The following HEATR5B variants were observed in gnomAD, a reference collection of about 807,000 sequenced individuals.
HEATR5B encodes the protein HEAT repeat-containing protein 5B.
HEATR5B carries 156 observed loss-of-function variants against 224.1 expected under a neutral mutation model. The observed-to-expected ratio is 0.70, with a 90% confidence interval of 0.61 to 0.80. The LOEUF is 0.80. Among genes scored for constraint, HEATR5B ranks in the 30% least tolerant of loss-of-function variants. The pLI is 0.00. For missense variants in HEATR5B, 2,323 were observed against 2,535.5 expected (o/e 0.92, Z 1.80); for synonymous variants, 1,027 against 893.0 (o/e 1.15, Z -2.68).
At chr2:37,022,286 C>G (rs1203463775) in intron 24 of HEATR5B, among the ~76,000 whole-genome samples, 1 of 151,964 alleles carries the variant, frequency 6.6e-6, no homozygotes, top group Non-Finnish European at 1.5e-5. Context: ...TCAAGCGATT[C>G]TCCTGCCTCA....
intron 18 of HEATR5B, 53 bp from the exon 19 acceptor site, chr2:37,041,345 C>T: frequency 6.5e-7 from 1 of 1,538,098 alleles, no homozygotes; most frequent in Non-Finnish European, 9.0e-7. Flanking sequence ...CCTATAAAAA[C>T]AACAACATTA....
chr2:37,035,340 C>G (rs1414798228), intron 21 of HEATR5B, among the ~76,000 whole-genome samples: 4 of 152,166 alleles, frequency 2.6e-5, no homozygotes, highest in Admixed American at 6.5e-5. Flanking sequence ...CCACCCTGAA[C>G]TGTAGTGGTA....
chr2:37,000,123 C>G (rs1170022827), intron 33 of HEATR5B, among the ~76,000 whole-genome samples: 3 of 151,702 alleles, frequency 2.0e-5, no homozygotes, highest in Non-Finnish European at 2.9e-5. Flanking sequence ...TTTTGCCGAG[C>G]CTGGAGTGCA....
chr2:37,031,459 C>A (rs1669129545), intron 22 of HEATR5B, among the ~76,000 whole-genome samples: 1 of 136,852 alleles, frequency 7.3e-6, no homozygotes, highest in African/African-American at 2.7e-5. Flanking sequence ...TTTAAAGAGA[C>A]AGGATCTCAC....
intron 26 of HEATR5B, among the ~76,000 whole-genome samples, chr2:37,017,717 G>C: frequency 7.0e-6 from 1 of 142,510 alleles, no homozygotes; most frequent in Admixed American, 7.0e-5. Flanking sequence ...AAAAGAATCT[G>C]AAACTAGAAT....
intron 16 of HEATR5B, among the ~76,000 whole-genome samples, 200 bp downstream of exon 16, chr2:37,056,240 A>G (rs1337528839): frequency 6.6e-6 from 1 of 152,202 alleles, no homozygotes; most frequent in Admixed American, 6.5e-5. Context: ...CAAATCTTAC[A>G]TAAAGTCTCA....
rs759235378 is a variant in HEATR5B at position 37,003,537 on chromosome 2, C to T, written c.5050+5G>A. 4 of 1,582,296 alleles carry T rather than the reference C, an allele frequency of 2.5e-6. No individual in the cohort carries two copies. The highest frequency in any genetic ancestry group is 3.4e-6 in the Non-Finnish European group (4 of 1,161,966). On this transcript the variant is annotated splice_donor_5th_base_variant and intron_variant, in intron 31 of 35. Transcript: ENST00000233099. ...CTTCAAGTTAGTGTAATTTCTAGTG[C>T]TTACTTAGAGTGTTTCTTTTCTCTT...
chr2:37,082,888 C>T (rs1672693693), intron 2 of HEATR5B, among the ~76,000 whole-genome samples: 4 of 150,942 alleles, frequency 2.7e-5, no homozygotes, highest in South Asian at 4.2e-4. Context: ...GAGCTGGTCT[C>T]GGCAAATCAA....
At chr2:36,996,099 T>G (rs748268861) in intron 33 of HEATR5B, among the ~76,000 whole-genome samples, 72 of 151,390 alleles carry the variant, frequency 4.8e-4, no homozygotes, top group Non-Finnish European at 9.1e-4. Context: ...TCTCGCTCTG[T>G]CACCAGGCTG....
Position 37,049,688 on chromosome 2 carries a change from A to C in HEATR5B, c.2661T>G (p.Thr887=), listed in dbSNP as rs1285739361. The part of the protein sequence containing the change: ...GRMAQVVGEA[T]FIARMAQYSF... Reference sequence around the variant, plus strand: ...TATATTGGGCCATTCTAGCAATAAAAGTTGCTTCTCCAACCACCTGAGCCA... The same window carrying C: ...TATATTGGGCCATTCTAGCAATAAACGTTGCTTCTCCAACCACCTGAGCCA... Residue 887 remains threonine (T), a synonymous_variant, in exon 18 of 36, where the codon ACT becomes ACG. Transcript: ENST00000233099. 9 of 1,614,002 alleles carry C rather than the reference A, an allele frequency of 5.6e-6. No individual in the cohort carries two copies. Among genetic ancestry groups the C allele is most frequent in the African/African-American group, 1.3e-5 (1 of 75,022 alleles).
intron 27 of HEATR5B, among the ~76,000 whole-genome samples, chr2:37,011,884 G>A (rs1219487546): frequency 1.3e-5 from 2 of 152,038 alleles, no homozygotes; most frequent in African/African-American, 4.8e-5. Context: ...CTAGACTACA[G>A]GCCCAGAAAT....
At chr2:37,061,516 G>A (rs1242016316) in intron 11 of HEATR5B, among the ~76,000 whole-genome samples, 3 of 152,124 alleles carry the variant, frequency 2.0e-5, no homozygotes, top group African/African-American at 7.2e-5. Context: ...TGCCTACAAT[G>A]CAGATTTGTC....
chr2:37,036,896 T>C (rs1211307923), intron 21 of HEATR5B, among the ~76,000 whole-genome samples: 1 of 152,006 alleles, frequency 6.6e-6, no homozygotes, highest in Admixed American at 6.6e-5. Context: ...CAGGCTTTTA[T>C]AGCACTTATT....
chr2:36,981,660 G>C lies in HEATR5B; in HGVS notation c.6046C>G (p.Leu2016Val). The C allele has an allele frequency of 6.2e-7, 1 of 1,614,148 alleles. No homozygotes were observed. The highest frequency in any genetic ancestry group is 8.5e-7 in the Non-Finnish European group (1 of 1,180,014). The change falls in exon 36 of 36, where the codon CTG (leucine) becomes GTG (valine). Residue 2016 changes from leucine to valine, a missense_variant. Coordinates refer to ENST00000233099, the MANE Select transcript of HEATR5B (RefSeq NM_019024.3). The part of the protein sequence containing the change: ...ALQNLMHIGP[L>V]YPHAFKTVMG... ...ACTGTCTTGAAAGCATGTGGATACA[G>C]AGGTCCAATATGCATTAAATTCTGG...
At chr2:37,017,151 G>A (rs912633910) in intron 26 of HEATR5B, among the ~76,000 whole-genome samples, 3 of 152,108 alleles carry the variant, frequency 2.0e-5, no homozygotes, top group Non-Finnish European at 2.9e-5. Context: ...AAACTAGGCC[G>A]GGCACGGTGG....
At chr2:36,999,095 C>T (rs1259396284) in intron 33 of HEATR5B, among the ~76,000 whole-genome samples, 2 of 151,572 alleles carry the variant, frequency 1.3e-5, no homozygotes, top group African/African-American at 2.4e-5. Flanking sequence ...TGCCTGTAAT[C>T]CCAGCTACTC....
At chr2:37,038,110 T>C (rs1435975893) in intron 20 of HEATR5B, 86 bp from the exon 21 acceptor site, 2 of 893,616 alleles carry the variant, frequency 2.2e-6, no homozygotes, top group Non-Finnish European at 3.2e-6. Context: ...ATCCTCTAAA[T>C]AACCATTCTA....
intron 12 of HEATR5B, among the ~76,000 whole-genome samples, 171 bp from the exon 13 acceptor site, chr2:37,059,158 C>T (rs1003541723): frequency 1.3e-5 from 2 of 151,156 alleles, no homozygotes; most frequent in African/African-American, 4.9e-5. Context: ...AAAGAAAAAT[C>T]GTGGAAAAGG....
At chr2:37,052,140 C>A (rs893463490) in intron 17 of HEATR5B, among the ~76,000 whole-genome samples, 1 of 152,180 alleles carries the variant, frequency 6.6e-6, no homozygotes, top group Non-Finnish European at 1.5e-5. Flanking sequence ...CATGCAAACA[C>A]ATATTTGCTA....
Sources: gnomAD v4.1 joint callset for allele counts (sites outside exome capture counted in the v4.1 genomes callset) on GRCh38, gnomAD v4.1.1 for gene constraint, MANE v1.5 for transcripts, NCBI Gene and HGNC (gene_info 2026-07-23, HGNC 2026-07-21) for gene names.